Variants in UBE2G2 observed in about 807,000 individuals in gnomAD.
UBE2G2 encodes the protein ubiquitin-conjugating enzyme E2 G2.
Under a neutral mutation model 23.0 loss-of-function variants are expected in UBE2G2, and 10 were observed. The observed-to-expected ratio is 0.43, with a 90% CI of 0.27 to 0.74. The LOEUF is 0.74. Ranked by LOEUF, UBE2G2 falls within the 30% of genes least tolerant of loss-of-function variation. The pLI, the probability that UBE2G2 is intolerant of heterozygous loss-of-function variation, is 0.19. For synonymous variants in UBE2G2, 86 were observed against 81.3 expected (o/e 1.06, Z -0.31); for missense variants, 150 against 218.3 (o/e 0.69, Z 1.97).
chr21:44,784,640 G>A (rs1403806902), intron 3 of UBE2G2, among the ~76,000 whole-genome samples: 1 of 152,184 alleles, frequency 6.6e-6, no homozygotes, highest in African/African-American at 2.4e-5. Flanking sequence ...CTGTGCCCCG[G>A]ACACTGGCCC....
intron 5 of UBE2G2, 26 bp downstream of exon 5, chr21:44,773,521 C>A (rs782096517): frequency 6.2e-7 from 1 of 1,601,170 alleles, no homozygotes; most frequent in South Asian, 1.1e-5. Flanking sequence ...TCCACGGCAG[C>A]TCCTGCCAGG....
chr21:44,801,535 A>G, intron 1 of UBE2G2, 171 bp downstream of exon 1: 1 of 1,131,038 alleles, frequency 8.8e-7, no homozygotes, highest in South Asian at 2.2e-5. Flanking sequence ...CACGCGTGAG[A>G]GTGGGCAGCG....
intron 1 of UBE2G2, among the ~76,000 whole-genome samples, chr21:44,791,655 G>A (rs2146401677): frequency 6.6e-6 from 1 of 152,358 alleles, no homozygotes; most frequent in Middle Eastern, 3.4e-3. Flanking sequence ...GGCCCTCATG[G>A]AGAACATCTG....
chr21:44,795,905 AGAGAT>A (rs2083085217), intron 1 of UBE2G2, among the ~76,000 whole-genome samples: 2 of 152,256 alleles, frequency 1.3e-5, no homozygotes, highest in South Asian at 4.1e-4. Context: ...AGATGGAGGC[AGAGAT>A]TAGAATTACA....
chr21:44,798,435 C>T (rs1246002371), intron 1 of UBE2G2, among the ~76,000 whole-genome samples: 1 of 152,210 alleles, frequency 6.6e-6, no homozygotes, highest in African/African-American at 2.4e-5. Flanking sequence ...TGTTTGACAG[C>T]ACTTTACCCA....
intron 1 of UBE2G2, 103 bp downstream of exon 1, chr21:44,801,597 CCCCGGG>C: frequency 7.3e-7 from 1 of 1,366,044 alleles, no homozygotes. Context: ...ACGGTGGAGG[CCCCGGG>C]CCCGGCTCCC....
intron 3 of UBE2G2, among the ~76,000 whole-genome samples, chr21:44,780,240 C>T (rs531188994): frequency 2.0e-5 from 3 of 152,346 alleles, no homozygotes; most frequent in South Asian, 2.1e-4. Flanking sequence ...TTTTCTAGAA[C>T]GCCTGGCGCC....
chr21:44,781,416 C>A (rs1457130960), intron 3 of UBE2G2, among the ~76,000 whole-genome samples: 1 of 152,180 alleles, frequency 6.6e-6, no homozygotes, highest in African/African-American at 2.4e-5. Flanking sequence ...GTTCCCACCC[C>A]ACTAATGCCC....
At position 44,772,477 on chromosome 21, in the gene UBE2G2, C is replaced by T. The variant is rs1401831700; in HGVS notation, c.386-988G>A. On this transcript the variant is annotated intron_variant, in intron 5 of 5. Transcript: ENST00000345496. The surrounding 1 kb of genome is among the most constrained non-coding windows in gnomAD (Gnocchi z 5.4). ...CTGCTCTTTCCTTTCGGACTTGCCG[C>T]CTTCCTTTCCCACACCCTTCCTCCT... 6.7e-6 allele frequency among the ~76,000 whole-genome samples: 1 copy of T among 149,426 alleles called. No individual in the cohort carries two copies.
chr21:44,795,835 A>G (rs1382102427), intron 1 of UBE2G2, among the ~76,000 whole-genome samples: 1 of 152,210 alleles, frequency 6.6e-6, no homozygotes, highest in Non-Finnish European at 1.5e-5. Context: ...ATAAAAGCAT[A>G]TATCCACAGA....
intron 3 of UBE2G2, among the ~76,000 whole-genome samples, chr21:44,787,445 G>A (rs1463760337): frequency 1.3e-5 from 2 of 152,162 alleles, no homozygotes; most frequent in East Asian, 1.9e-4. Flanking sequence ...ACGAAGATAC[G>A]AACTGGGAGG....
At chr21:44,800,300 C>T (rs1209899193) in intron 1 of UBE2G2, 1 of 151,986 alleles carries the variant, frequency 6.6e-6, no homozygotes, top group Non-Finnish European at 1.5e-5. Flanking sequence ...AGGTGGCGAG[C>T]GTTATTTGAA....
At chr21:44,791,269 G>T (rs138509721) in intron 1 of UBE2G2, among the ~76,000 whole-genome samples, 2 of 152,124 alleles carry the variant, frequency 1.3e-5, no homozygotes, top group Non-Finnish European at 2.9e-5. Flanking sequence ...AATATTAATC[G>T]CCAAGACAAT....
intron 4 of UBE2G2, chr21:44,774,783 G>A: frequency 2.2e-6 from 1 of 454,346 alleles, no homozygotes; most frequent in South Asian, 1.6e-5. Flanking sequence ...TCCCACTTCT[G>A]TGTTGCCTTC....
intron 1 of UBE2G2, among the ~76,000 whole-genome samples, chr21:44,790,240 C>T (rs1362564732): frequency 6.6e-6 from 1 of 152,140 alleles, no homozygotes; most frequent in Admixed American, 6.5e-5. Context: ...CTCTCATGCA[C>T]CACTGATGGG....
chr21:44,795,964 A>G (rs1369608733), intron 1 of UBE2G2, among the ~76,000 whole-genome samples: 1 of 152,248 alleles, frequency 6.6e-6, no homozygotes, highest in Non-Finnish European at 1.5e-5. Context: ...AGGATGACCA[A>G]CAATCACCAT....
At chr21:44,794,102 T>C (rs1377467916) in intron 1 of UBE2G2, among the ~76,000 whole-genome samples, 1 of 152,214 alleles carries the variant, frequency 6.6e-6, no homozygotes, top group Admixed American at 6.5e-5. Context: ...ATCTGACTAA[T>C]ATCCTTTTAA....
At chr21:44,800,865 T>A (rs1398344599) in intron 1 of UBE2G2, 1 of 152,214 alleles carries the variant, frequency 6.6e-6, no homozygotes, top group African/African-American at 2.4e-5. Context: ...GGTATTTTGC[T>A]AAGCACTTCA....
intron 1 of UBE2G2, among the ~76,000 whole-genome samples, chr21:44,796,520 A>C (rs868937868): frequency 2.0e-5 from 3 of 152,274 alleles, no homozygotes; most frequent in Middle Eastern, 3.4e-3. Context: ...TACACACACA[A>C]AAAAAACCAG....
Sources: allele counts gnomAD v4.1 joint callset (sites outside exome capture counted in the v4.1 genomes callset), GRCh38; gene constraint gnomAD v4.1.1; non-coding constraint Gnocchi (gnomAD v3.1); transcripts MANE v1.5; gene names NCBI Gene and HGNC (gene_info 2026-07-23, HGNC 2026-07-21).